The following WDFY2 variants were observed in gnomAD, a reference collection of about 807,000 sequenced individuals.
WDFY2 encodes the protein WD repeat and FYVE domain-containing protein 2.
Under a neutral mutation model 56.4 loss-of-function variants are expected in WDFY2, and 36 were observed. That is an observed-to-expected ratio of 0.64 (90% confidence interval 0.49 to 0.84). The LOEUF is 0.84. WDFY2 is among the 40% of genes least tolerant of loss of function. WDFY2 has a pLI of 0.00. For synonymous variants in WDFY2, 176 were observed against 183.7 expected (o/e 0.96, Z 0.34); for missense variants, 444 against 512.2 (o/e 0.87, Z 1.29).
intron 4 of WDFY2, among the ~76,000 whole-genome samples, chr13:51,711,544 A>G (rs1952217388): frequency 1.3e-5 from 2 of 152,280 alleles, no homozygotes; most frequent in Admixed American, 1.3e-4. Flanking sequence ...TACCCATCTG[A>G]CAAAGGGCTA....
At chr13:51,739,810 G>A (rs1297083397) in intron 7 of WDFY2, among the ~76,000 whole-genome samples, 3 of 152,154 alleles carry the variant, frequency 2.0e-5, no homozygotes, top group Admixed American at 6.5e-5. Context: ...CGTCCAGAGC[G>A]GTGTGGATCT....
At chr13:51,664,328 A>G (rs1394850863) in intron 2 of WDFY2, among the ~76,000 whole-genome samples, 2 of 152,240 alleles carry the variant, frequency 1.3e-5, no homozygotes, top group South Asian at 2.1e-4. Context: ...CCCTGGGCCA[A>G]TCTGATTTTC....
At chr13:51,723,872 A>C (rs1031961197) in intron 5 of WDFY2, among the ~76,000 whole-genome samples, 1 of 152,166 alleles carries the variant, frequency 6.6e-6, no homozygotes, top group Admixed American at 6.5e-5. Context: ...TTCTAATCCT[A>C]TCATATTTTT....
intron 2 of WDFY2, among the ~76,000 whole-genome samples, chr13:51,671,333 C>A (rs968611520): frequency 6.6e-6 from 1 of 152,190 alleles, no homozygotes; most frequent in Non-Finnish European, 1.5e-5. Flanking sequence ...TTCCCACCAG[C>A]AGCGCAGAGG....
intron 1 of WDFY2, among the ~76,000 whole-genome samples, chr13:51,649,300 G>T (rs563581844): frequency 1.3e-5 from 2 of 152,290 alleles, no homozygotes; most frequent in Admixed American, 6.5e-5. Context: ...AAGAGGCAGG[G>T]AGAGAAGAAA....
At chr13:51,753,520 A>G (rs1319744608) in intron 8 of WDFY2, among the ~76,000 whole-genome samples, 1 of 152,238 alleles carries the variant, frequency 6.6e-6, no homozygotes, top group Non-Finnish European at 1.5e-5. Flanking sequence ...TACTCATACT[A>G]CCACCATCCA....
chr13:51,647,962 C>T (rs1955291837), intron 1 of WDFY2, among the ~76,000 whole-genome samples: 1 of 152,086 alleles, frequency 6.6e-6, no homozygotes, highest in Admixed American at 6.6e-5. Context: ...ACAAGAAAGT[C>T]AAATACAAAC....
At position 51,761,056 on chromosome 13, in the gene WDFY2, C is replaced by T. The variant is rs759642791; in HGVS notation, c.*1287C>T. 1 of 152,224 alleles carries T rather than the reference C, an allele frequency of 6.6e-6. No homozygotes were observed. The allele number at this position is 152,224 out of a possible 1,614,324, so 9.4% of individuals were successfully genotyped here. On this transcript the variant is annotated 3_prime_UTR_variant, in exon 12 of 12. Coordinates refer to ENST00000298125, the MANE Select transcript of WDFY2 (RefSeq NM_052950.4). ...GCAAGATTGTAATCCTGCTGTATTCCTCGCCCTCTGTATTCTATCCCTTTA... is the reference window on the plus strand; with the variant it reads ...GCAAGATTGTAATCCTGCTGTATTCTTCGCCCTCTGTATTCTATCCCTTTA...
chr13:51,758,003 A>G (rs1953452309), intron 10 of WDFY2, among the ~76,000 whole-genome samples, 189 bp from the exon 11 acceptor site: 1 of 150,346 alleles, frequency 6.7e-6, no homozygotes, highest in African/African-American at 2.4e-5. Context: ...TTTAAAGACT[A>G]TAAGATTTCT....
At chr13:51,748,993 A>G (rs1396769681) in intron 7 of WDFY2, among the ~76,000 whole-genome samples, 1 of 152,190 alleles carries the variant, frequency 6.6e-6, no homozygotes, top group Non-Finnish European at 1.5e-5. Flanking sequence ...CAGAAGCTAC[A>G]TGATAAGTGA....
At chr13:51,615,807 G>A (rs1954599826) in intron 1 of WDFY2, among the ~76,000 whole-genome samples, 2 of 152,118 alleles carry the variant, frequency 1.3e-5, no homozygotes, top group Non-Finnish European at 2.9e-5. Context: ...AAGGAATCAA[G>A]GTAAGAGATT....
chr13:51,654,582 C>T (rs1046205244), intron 1 of WDFY2, among the ~76,000 whole-genome samples: 35 of 152,086 alleles, frequency 2.3e-4, no homozygotes, highest in African/African-American at 5.1e-4. Flanking sequence ...CTAACCTCTG[C>T]GGGCTTAATA....
chr13:51,641,593 G>A (rs1301170967), intron 1 of WDFY2, among the ~76,000 whole-genome samples: 2 of 150,712 alleles, frequency 1.3e-5, no homozygotes, highest in East Asian at 2.0e-4. Context: ...TTGGGAGGCC[G>A]AGGCGGGCGG....
chr13:51,605,742 G>A (rs573812404), intron 1 of WDFY2, among the ~76,000 whole-genome samples: 42 of 152,282 alleles, frequency 2.8e-4, no homozygotes, highest in Admixed American at 9.2e-4. Context: ...TCCACACTGC[G>A]TGATGAAGGA....
intron 1 of WDFY2, among the ~76,000 whole-genome samples, chr13:51,611,919 G>A (rs1954511023): frequency 2.0e-5 from 3 of 152,062 alleles, no homozygotes; most frequent in South Asian, 2.1e-4. Context: ...ACAATCATGC[G>A]CACATAAGGA....
At chr13:51,693,490 G>A (rs974446455) in intron 3 of WDFY2, among the ~76,000 whole-genome samples, 6 of 152,088 alleles carry the variant, frequency 3.9e-5, no homozygotes, top group Non-Finnish European at 5.9e-5. Context: ...TAGTTGAGCC[G>A]TTTTGAGTGA....
intron 1 of WDFY2, among the ~76,000 whole-genome samples, chr13:51,645,875 T>C (rs1335153647): frequency 2.6e-5 from 4 of 152,196 alleles, no homozygotes; most frequent in South Asian, 2.1e-4. Flanking sequence ...CTGAACTTCA[T>C]GTAGACAGTT....
Position 51,763,771 on chromosome 13 carries a change from C to T in WDFY2, c.*4002C>T, listed in dbSNP as rs1172327934. The T allele has an allele frequency of 6.6e-6, 1 of 152,258 alleles. No homozygotes were observed. The highest frequency in any genetic ancestry group is 6.5e-5 in the Admixed American group (1 of 15,292). The allele number at this position is 152,258 out of a possible 1,614,324, so 9.4% of individuals were successfully genotyped here. ...TATGATTGCACTACTGCAGTCCAGC[C>T]TGGGCAGCAGAGCAAGGCCCTGAAT... is the stretch of plus-strand genomic sequence containing the variant. On this transcript the variant is annotated 3_prime_UTR_variant, in exon 12 of 12. Transcript: ENST00000298125.
intron 4 of WDFY2, among the ~76,000 whole-genome samples, chr13:51,710,610 G>T (rs1952191114): frequency 6.6e-6 from 1 of 152,124 alleles, no homozygotes; most frequent in East Asian, 1.9e-4. Flanking sequence ...CAAAATAAAT[G>T]TGCAAAAATC....
Sources: allele counts gnomAD v4.1 joint callset (sites outside exome capture counted in the v4.1 genomes callset), GRCh38; gene constraint gnomAD v4.1.1; transcripts MANE v1.5; gene names NCBI Gene and HGNC (gene_info 2026-07-23, HGNC 2026-07-21).